The following PRIM2 variants were observed in gnomAD, a reference collection of about 807,000 sequenced individuals.
PRIM2 encodes DNA primase large subunit.
Under a neutral mutation model 67.3 loss-of-function variants are expected in PRIM2, and 39 were observed. The observed-to-expected ratio is 0.58, with a 90% confidence interval of 0.45 to 0.76. The LOEUF (loss-of-function observed/expected upper bound fraction) is 0.76, where lower values mean the gene tolerates loss of function less well. Among genes scored for constraint, PRIM2 ranks in the 30% least tolerant of loss-of-function variants. The pLI is 0.00. For missense variants in PRIM2, 398 were observed against 598.7 expected (o/e 0.66, Z 3.50); for synonymous variants, 143 against 198.7 (o/e 0.72, Z 2.36).
rs62415555 is a variant in PRIM2, at chr6:57,395,213, C to T, written c.693+13045C>T. 1.7e-3 allele frequency among the ~76,000 whole-genome samples: 260 copies of T among 152,036 alleles called. 5 individuals are homozygous for T. The highest frequency in any genetic ancestry group is 0.016 in the East Asian group (84 of 5,174). On this transcript the variant is annotated intron_variant, in intron 7 of 13. Transcript: ENST00000615550. ...GGGAGGGTTCCTTCTTTCTCTATCC[C>T]GTAGAATAGTTTTAAAAGGATTGGT...
At chr6:57,290,332 C>A in the PRIM2 span, among the ~76,000 whole-genome samples, 1 of 152,148 alleles carries the variant, frequency 6.6e-6, no homozygotes, top group African/African-American at 2.4e-5. Context: ...GCACCCAATA[C>A]AGGGACACCC....
At chr6:57,254,820 C>A in the PRIM2 span, among the ~76,000 whole-genome samples, 1 of 152,162 alleles carries the variant, frequency 6.6e-6, no homozygotes, top group African/African-American at 2.4e-5. Context: ...GTAAATTTAC[C>A]GAGGCTCCAG....
intron 7 of PRIM2, among the ~76,000 whole-genome samples, chr6:57,397,896 A>AATT (rs1554334012): frequency 8.4e-6 from 1 of 118,794 alleles, no homozygotes; most frequent in African/African-American, 3.3e-5. Flanking sequence ...GATCTTTCTA[A>AATT]TTTTTTTTTT....
At chr6:57,483,445 C>T (rs1394286527) in intron 7 of PRIM2, among the ~76,000 whole-genome samples, 1 of 152,026 alleles carries the variant, frequency 6.6e-6, no homozygotes, top group Non-Finnish European at 1.5e-5. Context: ...AGGAACTTAT[C>T]TTTAATAATA....
chr6:57,528,232 CTGCTGGGAAT>C (rs1342611432), intron 8 of PRIM2, among the ~76,000 whole-genome samples: 39 of 145,046 alleles, frequency 2.7e-4, no homozygotes, highest in African/African-American at 9.9e-4. Flanking sequence ...GCTTCCCAAA[CTGCTGGGAAT>C]AGAGGCATGA....
At chr6:57,288,411 A>G in the PRIM2 span, among the ~76,000 whole-genome samples, 1 of 152,164 alleles carries the variant, frequency 6.6e-6, no homozygotes, top group Non-Finnish European at 1.5e-5. Flanking sequence ...AGACCTAAAC[A>G]TTCCGGTCTG....
chr6:57,333,126 G>A (rs1484322634), intron 5 of PRIM2, among the ~76,000 whole-genome samples: 1 of 152,030 alleles, frequency 6.6e-6, no homozygotes, highest in Non-Finnish European at 1.5e-5. Flanking sequence ...TTTCAATAGT[G>A]TACAAACTTT....
intron 11 of PRIM2, among the ~76,000 whole-genome samples, chr6:57,601,670 A>G (rs1582014050): frequency 1.3e-5 from 2 of 152,194 alleles, no homozygotes; most frequent in African/African-American, 4.8e-5. Context: ...ATTAACCAAC[A>G]AAGATTAAGT....
intron 7 of PRIM2, among the ~76,000 whole-genome samples, chr6:57,480,138 A>G (rs2127405324): frequency 1.3e-5 from 2 of 152,344 alleles, no homozygotes; most frequent in East Asian, 3.9e-4. Flanking sequence ...GAGTATGGCA[A>G]AGATTCACTT....
chr6:57,468,333 T>C lies in PRIM2; in HGVS notation c.694-39054T>C, dbSNP rs1773254054. 3.3e-5 allele frequency among the ~76,000 whole-genome samples: 5 copies of C among 152,212 alleles called. 1 individual carries two copies. Among genetic ancestry groups the C allele is most frequent in the Admixed American group, 3.3e-4 (5 of 15,278 alleles). ...TACCTAGTTTATTGAGAGTTTTTAG[T>C]ATGAAGAAGTGTTGAATGTTATCGA... On this transcript the variant is annotated intron_variant, in intron 7 of 13. Coordinates refer to ENST00000615550, the MANE Select transcript of PRIM2 (RefSeq NM_000947.5).
the PRIM2 span, among the ~76,000 whole-genome samples, chr6:57,243,488 A>AGACG: frequency 3.9e-5 from 6 of 152,184 alleles, no homozygotes; most frequent in Non-Finnish European, 8.8e-5. Context: ...TATTTATTTG[A>AGACG]GATGGAGCCT....
chr6:57,241,269 TG>T, the PRIM2 span, among the ~76,000 whole-genome samples: 1 of 151,086 alleles, frequency 6.6e-6, no homozygotes, highest in African/African-American at 2.4e-5. Context: ...ATTAGCTGAA[TG>T]TGGTTGCACG....
the PRIM2 span, among the ~76,000 whole-genome samples, chr6:57,239,967 T>C: frequency 6.6e-6 from 1 of 152,186 alleles, no homozygotes. Context: ...ACATAGTTCT[T>C]GCCCTCATAC....
intron 5 of PRIM2, among the ~76,000 whole-genome samples, chr6:57,333,345 A>C (rs1047745710): frequency 2.6e-5 from 4 of 152,112 alleles, no homozygotes; most frequent in African/African-American, 7.2e-5. Context: ...CATTTTGGAG[A>C]TATTGCTTGC....
In PRIM2 at chr6:57,542,176, A is replaced by G. The variant is rs1775174178; in HGVS notation, c.1020+4551A>G. On this transcript the variant is annotated intron_variant, in intron 10 of 13. Coordinates refer to ENST00000615550, the MANE Select transcript of PRIM2 (RefSeq NM_000947.5). ...TTTCTAGTAGAGACGGGGTTTCGCC[A>G]TGTTGCTCAGGCTAGTCTCGAACTC... Among the ~76,000 whole-genome samples, 5 of 152,178 alleles carry G rather than the reference A, an allele frequency of 3.3e-5. No individual in the cohort carries two copies. In the South Asian group the frequency reaches 8.3e-4, roughly 25 times the overall value.
At chr6:57,411,161 C>T (rs1246167233) in intron 7 of PRIM2, among the ~76,000 whole-genome samples, 2 of 151,930 alleles carry the variant, frequency 1.3e-5, no homozygotes, top group African/African-American at 4.8e-5. Context: ...CCTGCTCTCA[C>T]CATGTGAAGT....
At chr6:57,342,046 A>G (rs946678241) in intron 5 of PRIM2, among the ~76,000 whole-genome samples, 1 of 152,192 alleles carries the variant, frequency 6.6e-6, no homozygotes, top group African/African-American at 2.4e-5. Flanking sequence ...GCAGTGTTAT[A>G]CCTGAGTTGT....
intron 7 of PRIM2, among the ~76,000 whole-genome samples, chr6:57,428,530 A>C (rs1771707307): frequency 6.6e-6 from 1 of 152,158 alleles, no homozygotes; most frequent in African/African-American, 2.4e-5. Flanking sequence ...TCCCTATTCA[A>C]GTTTTCTCAA....
chr6:57,297,301 G>C, the PRIM2 span, among the ~76,000 whole-genome samples: 1 of 152,094 alleles, frequency 6.6e-6, no homozygotes, highest in African/African-American at 2.4e-5. Context: ...AATTAGCCGG[G>C]CATGGTGGCG....
Sources: allele counts gnomAD v4.1 joint callset (sites outside exome capture counted in the v4.1 genomes callset), GRCh38; gene constraint gnomAD v4.1.1; transcripts MANE v1.5; gene names NCBI Gene and HGNC (gene_info 2026-07-23, HGNC 2026-07-21).